Variants in FTSJ3 observed in about 807,000 individuals in gnomAD.
The protein encoded by FTSJ3 is FtsJ RNA 2'-O-methyltransferase 3, also known as pre-rRNA 2'-O-ribose RNA methyltransferase FTSJ3.
FTSJ3 carries 46 observed loss-of-function variants against 111.5 expected under a neutral mutation model. That is an observed-to-expected ratio of 0.41 (90% CI 0.33 to 0.53). The LOEUF is 0.53. Ranked by LOEUF, FTSJ3 falls within the 20% of genes least tolerant of loss-of-function variation. The probability of loss-of-function intolerance (pLI) is 0.19; values close to 1 mark genes in which losing one functional copy is unlikely to be tolerated. For missense variants in FTSJ3, 1,075 were observed against 1,063.8 expected (o/e 1.01, Z -0.15); for synonymous variants, 408 against 383.0 (o/e 1.07, Z -0.76).
Position 63,823,721 on chromosome 17 carries a change from G to C in FTSJ3, c.1290+96C>G, listed in dbSNP as rs978540020. On this transcript the variant is annotated intron_variant, in intron 13 of 20. Transcript: ENST00000427159. ...GTGAAGACAGCAACCACAGCCTATC[G>C]TTCGGCAACCTAAAAAGACATTCAA... 10 of 1,401,146 alleles carry C rather than the reference G, an allele frequency of 7.1e-6. No homozygotes were observed. In the African/African-American group the frequency reaches 1.4e-4, roughly 20 times the overall value. 86.8% of individuals were successfully genotyped at this position (1,401,146 alleles called of 1,614,324 possible). A position where few individuals can be genotyped will look rare whatever the true frequency, so the allele number is the denominator to read the frequency against.
rs927256789 is a variant in FTSJ3 at position 63,821,155 on chromosome 17, G to A, written c.1887-40C>T. On this transcript the variant is annotated intron_variant, in intron 16 of 20. Transcript: ENST00000427159. ...GGACTCTGAGTGATTCCACCACTCT[G>A]TACTACTCAGACCGCACTCCCACGG... 9.4e-6 allele frequency: 15 copies of A among 1,597,070 alleles called. No individual in the cohort carries two copies. The African/African-American group carries it at 1.7e-4, about 19-fold the overall frequency.
In FTSJ3 at chr17:63,824,805, C is replaced by T; in HGVS notation, c.816+20G>A. 8.1e-6 allele frequency: 13 copies of T among 1,609,340 alleles called. No homozygotes were observed. Among genetic ancestry groups the T allele is most frequent in the Non-Finnish European group, 1.1e-5 (13 of 1,175,762 alleles). On this transcript the variant is annotated intron_variant, in intron 9 of 20. Transcript: ENST00000427159. ...CATGTTTCTGGGGCTACCTCATGTC[C>T]CTCAAGGCTGGAGACTCACTTCGCT...
chr17:63,822,534 C>A (rs1044675427), intron 13 of FTSJ3, among the ~76,000 whole-genome samples: 5 of 152,260 alleles, frequency 3.3e-5, no homozygotes, highest in Admixed American at 6.5e-5. Flanking sequence ...ACCGTCTACA[C>A]AGTTTGTTTC....
intron 12 of FTSJ3, 42 bp from the exon 13 acceptor site, chr17:63,823,994 A>G (rs199713500): frequency 1.5e-5 from 25 of 1,613,812 alleles, no homozygotes; most frequent in East Asian, 4.5e-5. Context: ...CCCAGCTCCA[A>G]AGTTTCTATC....
Position 63,823,819 on chromosome 17 carries a change from G to C in FTSJ3, c.1288C>G (p.Gln430Glu). 3 of 1,613,836 alleles carry C rather than the reference G, an allele frequency of 1.9e-6. No individual in the cohort carries two copies. Among genetic ancestry groups the C allele is most frequent in the Non-Finnish European group, 2.5e-6 (3 of 1,179,914 alleles). Residue 430 changes from glutamine to glutamate, a missense_variant and splice_region_variant, in exon 13 of 21, where the codon CAG becomes GAG. Coordinates refer to ENST00000427159, the MANE Select transcript of FTSJ3 (RefSeq NM_017647.4). Reference protein sequence around the residue: ...MFSLSTIRGHQLLEEVTQGDM... With the variant: ...MFSLSTIRGHELLEEVTQGDM... ...CTGCACCCCCAATGCCGCCTCACCT[G>C]GTGACCCCGGATGGTGCTCAAGGAG...
rs1193864576 is a variant in FTSJ3 at position 63,821,521 on chromosome 17, T to A, written c.1719A>T (p.Thr573=). 5.0e-6 allele frequency: 8 copies of A among 1,613,728 alleles called. No individual in the cohort carries two copies. The highest frequency in any genetic ancestry group is 6.8e-6 in the Non-Finnish European group (8 of 1,179,970). The change falls in exon 16 of 21, where the codon ACA becomes ACT. Residue 573 remains threonine (T), a synonymous_variant. Coordinates refer to ENST00000427159, the MANE Select transcript of FTSJ3 (RefSeq NM_017647.4). The part of the protein sequence containing the change: ...QQQQKQQLPQ[T]PPSCLKTEIM... ...TCTCAGTCTTCAAACAGGAAGGGGG[T>A]GTCTGTGGCAGCTGCTGCTTCTGCT... is the stretch of plus-strand genomic sequence containing the variant.
At position 63,821,791 on chromosome 17, in the gene FTSJ3, G is replaced by A; in HGVS notation, c.1528C>T (p.Pro510Ser). 6.2e-7 allele frequency: 1 copy of A among 1,614,136 alleles called. No homozygotes were observed. Among genetic ancestry groups the A allele is most frequent in the Non-Finnish European group, 8.5e-7 (1 of 1,180,014 alleles). The change falls in exon 15 of 21, where the codon CCA (proline) becomes TCA (serine). Residue 510 changes from proline (P) to serine (S), a missense_variant. By Grantham distance (74) the Pro-to-Ser change is moderately conservative. Around this residue, in one of 2 missense-constraint regions of FTSJ3, gnomAD observed 867 missense variants for 796.9 expected, o/e 1.09. Transcript: ENST00000427159. ...DDKEEEEEEN[P>S]LLVPLEEKAV... The stretch of plus-strand genomic sequence containing the variant: ...TTTTCCTCCAGTGGTACCAGCAGTG[G>A]ATTCTCCTCCTCCTCCTCCTCTTTA...
At chr17:63,820,751 C>G in intron 18 of FTSJ3, 88 bp downstream of exon 18, 1 of 912,082 alleles carries the variant, frequency 1.1e-6, no homozygotes, top group Non-Finnish European at 1.8e-6. Context: ...GCCTGGGCAA[C>G]AGAGCGAGAC....
Position 63,821,126 on chromosome 17 carries a change from G to A in FTSJ3, c.1887-11C>T, listed in dbSNP as rs759055227. The A allele has an allele frequency of 6.2e-7, 1 of 1,613,166 alleles. No individual in the cohort carries two copies. Among genetic ancestry groups the A allele is most frequent in the East Asian group, 2.2e-5 (1 of 44,880 alleles). On this transcript the variant is annotated splice_polypyrimidine_tract_variant and intron_variant, in intron 16 of 20. Transcript: ENST00000427159. ...CGGAGGGGTTCCCAGCTGTGAAGAG[G>A]GGAGGACTCTGAGTGATTCCACCAC... is the stretch of plus-strand genomic sequence containing the variant.
Position 63,820,176 on chromosome 17 carries a change from G to A in FTSJ3, c.2257-3C>T, listed in dbSNP as rs1264972412. On this transcript the variant is annotated splice_polypyrimidine_tract_variant and splice_region_variant and intron_variant, in intron 19 of 20. Transcript: ENST00000427159. Reference sequence around the variant, plus strand: ...GTCTGCTCCAGCCTCTTCAGCATCTGCAAAGGAACCTGTCAGGTGACCTCT... The same window carrying A: ...GTCTGCTCCAGCCTCTTCAGCATCTACAAAGGAACCTGTCAGGTGACCTCT... 6.2e-7 allele frequency: 1 copy of A among 1,614,038 alleles called. No homozygotes were observed. Among genetic ancestry groups the A allele is most frequent in the Admixed American group, 1.7e-5 (1 of 60,004 alleles).
Position 63,827,109 on chromosome 17 carries a change from T to G in FTSJ3, c.-84A>C. On this transcript the variant is annotated 5_prime_UTR_variant, in exon 1 of 21. Transcript: ENST00000427159. ...ACCGCACAAGTATGCAGCTAACTACTTCCGCTTCCGCTTGCGTCCCCTGCG... is the reference window on the plus strand; with the variant it reads ...ACCGCACAAGTATGCAGCTAACTACGTCCGCTTCCGCTTGCGTCCCCTGCG... The G allele has an allele frequency of 1.6e-6, 1 of 610,254 alleles. No homozygotes were observed. The allele number at this position is 610,254 out of a possible 1,614,324, so 37.8% of individuals were successfully genotyped here.
At chr17:63,823,774 G>T (rs1219393265) in intron 13 of FTSJ3, 43 bp downstream of exon 13, 22 of 1,599,504 alleles carry the variant, frequency 1.4e-5, no homozygotes, top group Non-Finnish European at 1.9e-5. Flanking sequence ...CACCCAAACA[G>T]ATCCTTCTGT....
At chr17:63,823,273 G>C (rs1377061042) in intron 13 of FTSJ3, among the ~76,000 whole-genome samples, 1 of 152,130 alleles carries the variant, frequency 6.6e-6, no homozygotes, top group African/African-American at 2.4e-5. Flanking sequence ...TATAACCTAA[G>C]TTCTTTTCTG....
chr17:63,822,690 T>G (rs1455381075), intron 13 of FTSJ3, among the ~76,000 whole-genome samples: 1 of 152,176 alleles, frequency 6.6e-6, no homozygotes, highest in Admixed American at 6.5e-5. Context: ...TTTGGGAGGC[T>G]GAGGCAGGAG....
In FTSJ3 at chr17:63,820,395, C is replaced by T; in HGVS notation, c.2116G>A (p.Val706Met). The T allele has an allele frequency of 6.2e-7, 1 of 1,614,152 alleles. No homozygotes were observed. The highest frequency in any genetic ancestry group is 8.5e-7 in the Non-Finnish European group (1 of 1,180,034). Reference protein sequence around the residue: ...EDEGELPEWFVQEEKQHRIRQ... With the variant: ...EDEGELPEWFMQEEKQHRIRQ... ...ATCCGGTGCTGCTTTTCCTCTTGCA[C>T]AAACCACTCCGGAAGCTCCCCCTCA... Residue 706 changes from valine to methionine, a missense_variant, in exon 19 of 21, where the codon GTG becomes ATG. Physicochemically the swap from Val to Met is conservative, Grantham distance 21 (BLOSUM62 1). This residue lies in a region of FTSJ3 where 867 missense variants were observed against 796.9 expected (regional missense o/e 1.09). Coordinates refer to ENST00000427159, the MANE Select transcript of FTSJ3 (RefSeq NM_017647.4).
Position 63,825,120 on chromosome 17 carries a change from G to T in FTSJ3, c.639C>A (p.Pro213=). ...PDKVDSKFFD[P]KFAFKEVEVQ... ...CTTCAACCTCCTTAAAGGCAAATTT[G>T]GGGTCAAAGAATTTACTGTCAACCT... Residue 213 remains proline (P), a synonymous_variant, in exon 8 of 21, where the codon CCC becomes CCA. Transcript: ENST00000427159. The T allele has an allele frequency of 6.2e-7, 1 of 1,614,104 alleles. No individual in the cohort carries two copies.
rs750362849 is a variant in FTSJ3 at position 63,821,135 on chromosome 17, CTGAG to C, written c.1887-24_1887-21del. ...TCCCAGCTGTGAAGAGGGGAGGACT[CTGAG>C]TGATTCCACCACTCTGTACTACTCA... On this transcript the variant is annotated intron_variant, in intron 16 of 20. Transcript: ENST00000427159. 3.0e-5 allele frequency: 49 copies of C among 1,611,858 alleles called. No individual in the cohort carries two copies. The highest frequency in any genetic ancestry group is 1.1e-4 in the East Asian group (5 of 44,884).
Position 63,824,912 on chromosome 17 carries a change from C to G in FTSJ3, c.729G>C (p.Glu243Asp), listed in dbSNP as rs753629671. The G allele has an allele frequency of 1.3e-6, 2 of 1,586,492 alleles. No homozygotes were observed. Among genetic ancestry groups the G allele is most frequent in the East Asian group, 4.5e-5 (2 of 44,708 alleles). Reference sequence around the variant, plus strand: ...TACGGTGATAGAGAGTGAGGTCACCCTCAGCATAGCCTTCAGCCTTAGGAA... The same window carrying G: ...TACGGTGATAGAGAGTGAGGTCACCGTCAGCATAGCCTTCAGCCTTAGGAA... ...KKKPKAEGYA[E>D]GDLTLYHRTS... Residue 243 changes from glutamate (E) to aspartate (D), a missense_variant, in exon 9 of 21, where the codon GAG becomes GAC. Around this residue, in one of 2 missense-constraint regions of FTSJ3, gnomAD observed 867 missense variants for 796.9 expected, o/e 1.09. Coordinates refer to ENST00000427159, the MANE Select transcript of FTSJ3 (RefSeq NM_017647.4).
rs145898451 is a variant in FTSJ3, at chr17:63,823,517, C to T, written c.1290+300G>A. ...GGCTGAGGCAGGAGAATGGTGTGAACCTGGAAGGTGGAGCTTGCAGTGGGC... is the reference window on the plus strand; with the variant it reads ...GGCTGAGGCAGGAGAATGGTGTGAATCTGGAAGGTGGAGCTTGCAGTGGGC... On this transcript the variant is annotated intron_variant, in intron 13 of 20. Transcript: ENST00000427159. 6.5e-3 allele frequency: 1,684 copies of T among 260,104 alleles called. 12 individuals are homozygous for T. The highest frequency in any genetic ancestry group is 8.1e-3 in the Non-Finnish European group (1,091 of 135,332). 16.1% of individuals were successfully genotyped at this position (260,104 alleles called of 1,614,324 possible).
Sources: allele counts gnomAD v4.1 joint callset (sites outside exome capture counted in the v4.1 genomes callset), GRCh38; gene constraint gnomAD v4.1.1; regional missense constraint gnomAD v4.1.1; transcripts MANE v1.5; gene names NCBI Gene and HGNC (gene_info 2026-07-23, HGNC 2026-07-21).